The following PTGFR variants were observed in gnomAD, a reference collection of about 807,000 sequenced individuals.
The protein encoded by PTGFR is prostaglandin F receptor, also known as prostaglandin F2-alpha receptor.
In PTGFR, 15 loss-of-function variants were observed where a neutral mutation model predicts 26.2. The observed-to-expected ratio is 0.57, with a 90% CI of 0.38 to 0.88. The LOEUF (loss-of-function observed/expected upper bound fraction) is 0.88, where lower values mean the gene tolerates loss of function less well. Among genes scored for constraint, PTGFR ranks in the 40% least tolerant of loss-of-function variants. The probability of loss-of-function intolerance (pLI) is 0.00; values close to 1 mark genes in which losing one functional copy is unlikely to be tolerated. For synonymous variants in PTGFR, 165 were observed against 151.1 expected, an observed-to-expected ratio of 1.09 and a Z score of -0.68; for missense variants, 369 against 427.2, an observed-to-expected ratio of 0.86 and a Z score of 1.20.
intron 2 of PTGFR, among the ~76,000 whole-genome samples, chr1:78,507,221 C>A (rs12742747): frequency 6.6e-6 from 1 of 152,124 alleles, no homozygotes; most frequent in Non-Finnish European, 1.5e-5. Context: ...ACGGCACAGA[C>A]TGGGGTGTGT....
chr1:78,512,630 AC>A (rs1435243425), intron 2 of PTGFR, among the ~76,000 whole-genome samples: 2 of 152,166 alleles, frequency 1.3e-5, no homozygotes, highest in Admixed American at 6.5e-5. Flanking sequence ...TGAGGTTTCT[AC>A]CCCTATGACC....
Position 78,492,952 on chromosome 1 carries a change from C to T in PTGFR, c.209C>T (p.Ala70Val). ...TCCAAGGCATCGTTTCTGCTTTTGG[C>T]CAGTGGCCTGGTAATCACTGATTTC... is the stretch of plus-strand genomic sequence containing the variant. Reference protein sequence around the residue: ...QKSKASFLLLASGLVITDFFG... With the variant: ...QKSKASFLLLVSGLVITDFFG... The change falls in exon 2 of 3, where the codon GCC (alanine) becomes GTC (valine). Residue 70 changes from alanine to valine, a missense_variant. Coordinates refer to ENST00000370757, the MANE Select transcript of PTGFR (RefSeq NM_000959.4). The T allele has an allele frequency of 6.2e-7, 1 of 1,614,242 alleles. No homozygotes were observed. The highest frequency in any genetic ancestry group is 8.5e-7 in the Non-Finnish European group (1 of 1,180,042).
At chr1:78,508,439 C>A in intron 2 of PTGFR, among the ~76,000 whole-genome samples, 1 of 152,150 alleles carries the variant, frequency 6.6e-6, no homozygotes, top group East Asian at 1.9e-4. Flanking sequence ...TGAGGCACTG[C>A]CCTCTTTTGA....
At chr1:78,504,384 G>A (rs1649778426) in intron 2 of PTGFR, among the ~76,000 whole-genome samples, 2 of 151,950 alleles carry the variant, frequency 1.3e-5, no homozygotes, top group Admixed American at 6.6e-5. Flanking sequence ...TACAGTTGTT[G>A]GGCATTATCC....
rs556579015 is a variant in PTGFR at position 78,506,540 on chromosome 1, A to AT, written c.798+13006dup. Among the ~76,000 whole-genome samples the AT allele has an allele frequency of 3.3e-5, 5 of 151,752 alleles. No homozygotes were observed. In the East Asian group the frequency reaches 5.8e-4, roughly 18 times the overall value. The stretch of plus-strand genomic sequence containing the variant: ...TATGATGATTTAACATTATTTCAGC[A>AT]TTTTTTTGACAGTTTTAGTTTTATT... On this transcript the variant is annotated intron_variant, in intron 2 of 2. Coordinates refer to ENST00000370757, the MANE Select transcript of PTGFR (RefSeq NM_000959.4).
At position 78,538,222 on chromosome 1, in the gene PTGFR, T is replaced by C. The variant is rs1650705043; in HGVS notation, c.*1535T>C. ...TTCCTTATCATGCTGGGTACAATGC[T>C]TCTATGAATATTTCCATGTATTTTG... On this transcript the variant is annotated 3_prime_UTR_variant, in exon 3 of 3. Transcript: ENST00000370757. The C allele has an allele frequency of 1.3e-5, 2 of 152,102 alleles. No individual in the cohort carries two copies. Among genetic ancestry groups the C allele is most frequent in the Admixed American group, 1.3e-4 (2 of 15,230 alleles). The allele number at this position is 152,102 out of a possible 1,614,324, so 9.4% of individuals were successfully genotyped here.
intron 2 of PTGFR, among the ~76,000 whole-genome samples, chr1:78,507,388 G>A (rs1424167346): frequency 2.6e-5 from 4 of 152,146 alleles, no homozygotes; most frequent in Admixed American, 2.0e-4. Context: ...GTTGAGTGAA[G>A]CTTGGTTCCA....
In PTGFR at chr1:78,518,176, AAC is replaced by A. The variant is rs566406936; in HGVS notation, c.799-18226_799-18225del. On this transcript the variant is annotated intron_variant, in intron 2 of 2. Transcript: ENST00000370757. ...CAAAATAATTTTCCTTATGGCTTAAAACACAATTATGTTTTGTGGGAAAATTA... is the reference window on the plus strand; with the variant it reads ...CAAAATAATTTTCCTTATGGCTTAAAACAATTATGTTTTGTGGGAAAATTA... 1.5e-3 allele frequency among the ~76,000 whole-genome samples: 221 copies of A among 152,274 alleles called. 1 individual carries two copies. Among genetic ancestry groups the A allele is most frequent in the African/African-American group, 5.2e-3 (215 of 41,562 alleles).
intron 2 of PTGFR, among the ~76,000 whole-genome samples, chr1:78,524,906 A>ATTTTTTTTTTTTTTTTTTTTTTTTTT (rs35641651): frequency 2.8e-5 from 2 of 70,482 alleles, no homozygotes; most frequent in African/African-American, 5.0e-5. Flanking sequence ...CAAATGCAAG[A>ATTTTTTTTTTTTTTTTTTTTTTTTTT]TTTTTTTTTT....
At chr1:78,501,574 A>G (rs1456585692) in intron 2 of PTGFR, among the ~76,000 whole-genome samples, 2 of 152,218 alleles carry the variant, frequency 1.3e-5, no homozygotes, top group Non-Finnish European at 2.9e-5. Context: ...CAGCTATTGT[A>G]TCCCAAATGA....
intron 2 of PTGFR, among the ~76,000 whole-genome samples, chr1:78,495,529 A>G (rs985204550): frequency 1.3e-5 from 2 of 152,274 alleles, no homozygotes; most frequent in African/African-American, 4.8e-5. Context: ...ATAAACTTTT[A>G]CAATGAAGGT....
intron 2 of PTGFR, among the ~76,000 whole-genome samples, chr1:78,528,647 G>A (rs1406280243): frequency 6.6e-6 from 1 of 151,946 alleles, no homozygotes; most frequent in Non-Finnish European, 1.5e-5. Context: ...AAAATGTATG[G>A]ATATCTTTTA....
At chr1:78,523,954 A>G (rs1650307456) in intron 2 of PTGFR, among the ~76,000 whole-genome samples, 1 of 152,060 alleles carries the variant, frequency 6.6e-6, no homozygotes, top group African/African-American at 2.4e-5. Flanking sequence ...AATCCAGCAA[A>G]TATCTCAGTA....
chr1:78,514,353 A>G (rs1650043561), intron 2 of PTGFR, among the ~76,000 whole-genome samples: 1 of 152,000 alleles, frequency 6.6e-6, no homozygotes, highest in African/African-American at 2.4e-5. Flanking sequence ...GTTAAGGGAG[A>G]TTCATTCAGG....
intron 2 of PTGFR, among the ~76,000 whole-genome samples, chr1:78,511,191 C>T (rs1291318761): frequency 6.6e-6 from 1 of 152,216 alleles, no homozygotes; most frequent in African/African-American, 2.4e-5. Context: ...GGCAATGCCC[C>T]TCTGGGGACT....
chr1:78,510,575 C>T (rs1015528330), intron 2 of PTGFR, among the ~76,000 whole-genome samples: 4 of 152,286 alleles, frequency 2.6e-5, no homozygotes, highest in Non-Finnish European at 5.9e-5. Flanking sequence ...GGCCCCACAT[C>T]CAACACTGGA....
rs1650723602 is a variant in PTGFR at position 78,538,861 on chromosome 1, GA to G, written c.*2176del. Reference sequence around the variant, plus strand: ...TTTCAAAACTCATAACTAATCTTCAGAATTACTGAATTTCCTTTTGAACTGG... The same window carrying G: ...TTTCAAAACTCATAACTAATCTTCAGATTACTGAATTTCCTTTTGAACTGG... On this transcript the variant is annotated 3_prime_UTR_variant, in exon 3 of 3. Transcript: ENST00000370757. The G allele has an allele frequency of 6.6e-6, 1 of 151,812 alleles. No homozygotes were observed. The highest frequency in any genetic ancestry group is 6.6e-5 in the Admixed American group (1 of 15,208). The allele number at this position is 151,812 out of a possible 1,614,324, so 9.4% of individuals were successfully genotyped here.
chr1:78,529,370 G>A (rs1330093577), intron 2 of PTGFR, among the ~76,000 whole-genome samples: 2 of 152,028 alleles, frequency 1.3e-5, no homozygotes, highest in East Asian at 3.9e-4. Context: ...TGATATTTTA[G>A]ATAAACATTT....
intron 2 of PTGFR, among the ~76,000 whole-genome samples, chr1:78,493,777 A>C (rs1457685154): frequency 1.3e-5 from 2 of 152,266 alleles, no homozygotes; most frequent in Non-Finnish European, 1.5e-5. Flanking sequence ...AGCTTCCTGC[A>C]AAGCAGTGTA....
Sources: allele counts gnomAD v4.1 joint callset (sites outside exome capture counted in the v4.1 genomes callset), GRCh38; gene constraint gnomAD v4.1.1; transcripts MANE v1.5; gene names NCBI Gene and HGNC (gene_info 2026-07-23, HGNC 2026-07-21).